Variants in MAGI2 observed in about 807,000 individuals in gnomAD.
The protein encoded by MAGI2 is membrane-associated guanylate kinase, WW and PDZ domain-containing protein 2.
In MAGI2, 35 loss-of-function variants were observed where a neutral mutation model predicts 133.3. The observed-to-expected ratio is 0.26, with a 90% CI of 0.20 to 0.35. MAGI2 has a LOEUF of 0.35. MAGI2 is among the 10% of genes least tolerant of loss of function. The probability of loss-of-function intolerance (pLI) is 1.00; values close to 1 mark genes in which losing one functional copy is unlikely to be tolerated. For synonymous variants in MAGI2, 729 were observed against 710.6 expected, an observed-to-expected ratio of 1.03 and a Z score of -0.41; for missense variants, 1,636 against 1,863.4, an observed-to-expected ratio of 0.88 and a Z score of 2.25.
intron 1 of MAGI2, among the ~76,000 whole-genome samples, chr7:79,157,145 C>T (rs1401082152): frequency 6.6e-6 from 1 of 152,102 alleles, no homozygotes; most frequent in Non-Finnish European, 1.5e-5. Context: ...TGTCTGTGCG[C>T]ATTTGCATGA....
chr7:79,043,542 C>CA (rs58828466), intron 1 of MAGI2, among the ~76,000 whole-genome samples: 15,538 of 40,858 alleles, frequency 0.38, 2,836 homozygotes, highest in Middle Eastern at 0.44. Flanking sequence ...GACTCCATCA[C>CA]AAAAAAAAAA....
intron 1 of MAGI2, among the ~76,000 whole-genome samples, chr7:79,233,716 A>T (rs2129554437): frequency 1.3e-5 from 1 of 79,484 alleles, no homozygotes; most frequent in African/African-American, 4.7e-5. Context: ...TTTCCTGAAT[A>T]CAGCACACTG....
At chr7:79,264,292 C>T (rs954723898) in intron 1 of MAGI2, among the ~76,000 whole-genome samples, 14 of 152,058 alleles carry the variant, frequency 9.2e-5, no homozygotes, top group African/African-American at 1.4e-4. Context: ...TGGTTATAGA[C>T]GAACTATTAT....
intron 2 of MAGI2, among the ~76,000 whole-genome samples, chr7:78,655,774 G>A (rs1172445847): frequency 1.1e-4 from 17 of 152,068 alleles, no homozygotes; most frequent in Admixed American, 9.8e-4. Context: ...GAGGTCAGGA[G>A]ATCGAGACCA....
Position 78,620,254 on chromosome 7 carries a change from AT to A in MAGI2, c.538+6865del, listed in dbSNP as rs1259102324. Among the ~76,000 whole-genome samples, 3 of 152,132 alleles carry A rather than the reference AT, an allele frequency of 2.0e-5. 1 individual carries two copies. Among genetic ancestry groups the A allele is most frequent in the Admixed American group, 1.3e-4 (2 of 15,244 alleles). ...AAGATGATCTGTGGTGCCAATAATG[AT>A]TTTTTATGAGTATCTCTTTATCACC... On this transcript the variant is annotated intron_variant, in intron 3 of 21. Transcript: ENST00000354212.
At chr7:79,189,519 G>A (rs978661581) in intron 1 of MAGI2, among the ~76,000 whole-genome samples, 5 of 151,384 alleles carry the variant, frequency 3.3e-5, no homozygotes, top group South Asian at 2.1e-4. Context: ...TAAGCGGAAC[G>A]TACAGTTTCC....
At chr7:78,872,034 CT>C (rs889624299) in intron 2 of MAGI2, among the ~76,000 whole-genome samples, 40 of 148,506 alleles carry the variant, frequency 2.7e-4, no homozygotes, top group Admixed American at 3.4e-4. Flanking sequence ...TTTGAACAAC[CT>C]TTTTTTTTTC....
At chr7:79,192,914 A>G (rs1237381840) in intron 1 of MAGI2, among the ~76,000 whole-genome samples, 6 of 151,886 alleles carry the variant, frequency 4.0e-5, no homozygotes, top group Admixed American at 3.3e-4. Flanking sequence ...ATCAAGACCA[A>G]TTAGGAAGCT....
At chr7:78,128,359 T>C (rs1305832040) in intron 18 of MAGI2, among the ~76,000 whole-genome samples, 1 of 152,196 alleles carries the variant, frequency 6.6e-6, no homozygotes, top group Non-Finnish European at 1.5e-5. Flanking sequence ...AATTCTGTTG[T>C]TCATTGCCTA....
At chr7:78,351,966 C>A (rs1791565505) in intron 7 of MAGI2, 1 of 152,146 alleles carries the variant, frequency 6.6e-6, no homozygotes, top group South Asian at 2.1e-4. Context: ...AGGTATGTAA[C>A]CGTGAGCACA....
chr7:79,435,048 C>A (rs1848043940), intron 1 of MAGI2, among the ~76,000 whole-genome samples: 1 of 152,184 alleles, frequency 6.6e-6, no homozygotes, highest in African/African-American at 2.4e-5. Context: ...GGCCTTTGGA[C>A]TGGAACATAA....
At chr7:78,199,884 G>T (rs1299761262) in intron 11 of MAGI2, among the ~76,000 whole-genome samples, 1 of 152,154 alleles carries the variant, frequency 6.6e-6, no homozygotes, top group Non-Finnish European at 1.5e-5. Context: ...GTACGTATAA[G>T]GAAATCACTA....
intron 7 of MAGI2, chr7:78,352,766 C>T (rs1425949259): frequency 6.6e-6 from 1 of 152,138 alleles, no homozygotes; most frequent in Non-Finnish European, 1.5e-5. Context: ...TGCAAATTTT[C>T]ACATAAATGA....
chr7:78,230,479 C>G (rs1031989920), intron 10 of MAGI2, among the ~76,000 whole-genome samples: 3 of 152,108 alleles, frequency 2.0e-5, no homozygotes, highest in Admixed American at 6.6e-5. Context: ...AGTGAATATG[C>G]AATTTTTTTT....
chr7:79,042,089 T>C (rs545181664), intron 1 of MAGI2, among the ~76,000 whole-genome samples: 3 of 152,286 alleles, frequency 2.0e-5, no homozygotes, highest in African/African-American at 7.2e-5. Context: ...ATTCACAATA[T>C]ACATATCTGA....
intron 1 of MAGI2, among the ~76,000 whole-genome samples, chr7:79,043,730 G>T (rs1219600348): frequency 6.6e-6 from 1 of 151,838 alleles, no homozygotes; most frequent in Non-Finnish European, 1.5e-5. Flanking sequence ...ACTGGCCCCA[G>T]AGAAAGACAA....
At chr7:78,968,432 T>A (rs1362298037) in intron 2 of MAGI2, among the ~76,000 whole-genome samples, 2 of 151,910 alleles carry the variant, frequency 1.3e-5, no homozygotes, top group Non-Finnish European at 2.9e-5. Context: ...CATCAGTTTT[T>A]TTTTTTTGGT....
At chr7:78,650,269 T>C (rs78660162) in intron 2 of MAGI2, among the ~76,000 whole-genome samples, 2,595 of 152,298 alleles carry the variant, frequency 0.017, 72 homozygotes, top group African/African-American at 0.059. Context: ...TGCATGTTTA[T>C]GAACTTCATG....
chr7:79,333,901 T>G (rs1840255715), intron 1 of MAGI2, among the ~76,000 whole-genome samples: 1 of 152,222 alleles, frequency 6.6e-6, no homozygotes, highest in Non-Finnish European at 1.5e-5. Flanking sequence ...TAAACAACTT[T>G]TAAAAAATAC....
Sources: gnomAD v4.1 joint callset for allele counts (sites outside exome capture counted in the v4.1 genomes callset) on GRCh38, gnomAD v4.1.1 for gene constraint, MANE v1.5 for transcripts, NCBI Gene and HGNC (gene_info 2026-07-23, HGNC 2026-07-21) for gene names.